MYCBP2: variants seen among roughly 807,000 people sequenced by gnomAD.
The protein encoded by MYCBP2 is E3 ubiquitin-protein ligase MYCBP2.
Under a neutral mutation model 525.3 loss-of-function variants are expected in MYCBP2, and 120 were observed. That is an observed-to-expected ratio of 0.23 (90% CI 0.20 to 0.27). The LOEUF (loss-of-function observed/expected upper bound fraction) is 0.27, where lower values mean the gene tolerates loss of function less well. MYCBP2 is among the 10% of genes least tolerant of loss of function. The pLI is 1.00. For missense variants in MYCBP2, 4,149 were observed against 5,657.1 expected, an observed-to-expected ratio of 0.73 and a Z score of 8.55; for synonymous variants, 1,894 against 1,955.8, an observed-to-expected ratio of 0.97 and a Z score of 0.83.
intron 1 of MYCBP2, among the ~76,000 whole-genome samples, chr13:77,323,668 A>G (rs564391882): frequency 3.1e-4 from 47 of 152,324 alleles, no homozygotes; most frequent in South Asian, 1.0e-3. Context: ...GACTTTGTCT[A>G]TCTTGCTCAC....
intron 5 of MYCBP2, among the ~76,000 whole-genome samples, chr13:77,272,103 G>T (rs1249052788): frequency 6.6e-6 from 1 of 152,176 alleles, no homozygotes; most frequent in Admixed American, 6.5e-5. Context: ...ATAAGCCCTC[G>T]AGTCCTGTCT....
chr13:77,117,769 T>C (rs2050030142), intron 55 of MYCBP2, among the ~76,000 whole-genome samples: 1 of 152,134 alleles, frequency 6.6e-6, no homozygotes, highest in South Asian at 2.1e-4. Context: ...GAACACTCAG[T>C]TAAGTATAAT....
At chr13:77,150,656 G>A in intron 47 of MYCBP2, 78 bp downstream of exon 47, 1 of 1,147,012 alleles carries the variant, frequency 8.7e-7, no homozygotes, top group Non-Finnish European at 1.3e-6. Context: ...TTTCATGTCT[G>A]CATCTGAATC....
intron 4 of MYCBP2, among the ~76,000 whole-genome samples, chr13:77,275,108 T>C (rs1023781539): frequency 1.3e-5 from 2 of 152,166 alleles, no homozygotes; most frequent in Non-Finnish European, 2.9e-5. Flanking sequence ...TATTCTACAC[T>C]AGGGTATTGG....
intron 27 of MYCBP2, among the ~76,000 whole-genome samples, chr13:77,193,275 T>TA (rs1434057292): frequency 6.6e-6 from 1 of 152,186 alleles, no homozygotes; most frequent in Non-Finnish European, 1.5e-5. Flanking sequence ...TAAAGGTTAC[T>TA]AAAAAAATCT....
chr13:77,294,131 CATATATATAT>C, intron 2 of MYCBP2, among the ~76,000 whole-genome samples: 16 of 65,710 alleles, frequency 2.4e-4, no homozygotes, highest in African/African-American at 8.5e-4. Flanking sequence ...TATATATATA[CATATATATAT>C]ACATATATAT....
At chr13:77,200,419 G>C (rs2062368567) in intron 26 of MYCBP2, among the ~76,000 whole-genome samples, 1 of 151,928 alleles carries the variant, frequency 6.6e-6, no homozygotes, top group South Asian at 2.1e-4. Flanking sequence ...CGTCTGATTG[G>C]TGTACCTGAA....
intron 21 of MYCBP2, 114 bp from the exon 22 acceptor site, chr13:77,212,274 T>C (rs1235415106): frequency 1.1e-5 from 9 of 832,990 alleles, no homozygotes; most frequent in Non-Finnish European, 1.4e-5. Context: ...TTTTCACCAA[T>C]TGTTAGTTTG....
intron 80 of MYCBP2, among the ~76,000 whole-genome samples, chr13:77,053,080 G>C (rs1193036355): frequency 6.6e-6 from 1 of 151,736 alleles, no homozygotes; most frequent in African/African-American, 2.4e-5. Flanking sequence ...GGAGGCTGCA[G>C]TAAGCTGAGA....
intron 20 of MYCBP2, among the ~76,000 whole-genome samples, chr13:77,222,199 T>C (rs1398296845): frequency 6.6e-6 from 1 of 152,162 alleles, no homozygotes; most frequent in Non-Finnish European, 1.5e-5. Flanking sequence ...AAGCAAAATA[T>C]CAGTTGGCAT....
chr13:77,267,962 G>C, intron 7 of MYCBP2, 25 bp from the exon 8 acceptor site: 1 of 1,516,648 alleles, frequency 6.6e-7, no homozygotes, highest in Non-Finnish European at 9.1e-7. Flanking sequence ...AAATTTTCCT[G>C]TTAAAATATT....
intron 17 of MYCBP2, among the ~76,000 whole-genome samples, chr13:77,238,156 T>C (rs1324323161): frequency 2.9e-5 from 4 of 138,192 alleles, no homozygotes; most frequent in Non-Finnish European, 4.5e-5. Flanking sequence ...GGCAGAAGAG[T>C]GGTGTGAACC....
At chr13:77,122,236 T>A (rs2050841981) in intron 54 of MYCBP2, among the ~76,000 whole-genome samples, 1 of 151,956 alleles carries the variant, frequency 6.6e-6, no homozygotes, top group African/African-American at 2.4e-5. Context: ...TAGTTAAATA[T>A]CCATATTAAT....
intron 7 of MYCBP2, among the ~76,000 whole-genome samples, chr13:77,268,578 G>A (rs538786873): frequency 7.2e-5 from 11 of 152,176 alleles, no homozygotes; most frequent in Middle Eastern, 3.4e-3. Context: ...TTAAGAGTTC[G>A]AGACAAGCCT....
At chr13:77,150,708 T>C in intron 47 of MYCBP2, 26 bp downstream of exon 47, 1 of 1,595,868 alleles carries the variant, frequency 6.3e-7, no homozygotes, top group Non-Finnish European at 8.6e-7. Context: ...AAAACTAAAA[T>C]TTTTCTGATA....
chr13:77,261,078 T>C (rs939701533), intron 12 of MYCBP2, 93 bp downstream of exon 12: 16 of 976,858 alleles, frequency 1.6e-5, no homozygotes, highest in Middle Eastern at 3.1e-4. Flanking sequence ...TGTGGTGTTA[T>C]TGAAATTCAT....
intron 10 of MYCBP2, 87 bp downstream of exon 10, chr13:77,263,564 G>T: frequency 8.7e-7 from 1 of 1,146,370 alleles, no homozygotes; most frequent in Non-Finnish European, 1.2e-6. Flanking sequence ...AACATAAGCT[G>T]AACTGGTGAA....
At chr13:77,200,054 C>T (rs866838660) in intron 26 of MYCBP2, among the ~76,000 whole-genome samples, 42 of 152,174 alleles carry the variant, frequency 2.8e-4, no homozygotes, top group African/African-American at 8.7e-4. Flanking sequence ...ATGACTTTGA[C>T]GAGCTGAGAG....
At chr13:77,305,761 T>C (rs547481624) in intron 1 of MYCBP2, among the ~76,000 whole-genome samples, 4 of 152,150 alleles carry the variant, frequency 2.6e-5, no homozygotes, top group South Asian at 2.1e-4. Context: ...CATAATTCAA[T>C]ATAATAACAG....
Sources: gnomAD v4.1 joint callset for allele counts (sites outside exome capture counted in the v4.1 genomes callset) on GRCh38, gnomAD v4.1.1 for gene constraint, MANE v1.5 for transcripts, NCBI Gene and HGNC (gene_info 2026-07-23, HGNC 2026-07-21) for gene names.